DEUP1: variants seen among roughly 807,000 people sequenced by gnomAD.
DEUP1 encodes the protein deuterosome assembly protein 1.
Under a neutral mutation model 87.4 loss-of-function variants are expected in DEUP1, and 82 were observed. That is an observed-to-expected ratio of 0.94 (90% CI 0.78 to 1.13). DEUP1 has a LOEUF of 1.13. Among genes scored for constraint, DEUP1 ranks in the 50% most tolerant of loss-of-function variants. DEUP1 has a pLI of 0.00. For synonymous variants in DEUP1, 214 were observed against 222.7 expected, an observed-to-expected ratio of 0.96 and a Z score of 0.35; for missense variants, 663 against 681.5, an observed-to-expected ratio of 0.97 and a Z score of 0.30.
intron 2 of DEUP1, among the ~76,000 whole-genome samples, chr11:93,352,754 A>T (rs1944686758): frequency 6.6e-6 from 1 of 152,180 alleles, no homozygotes; most frequent in African/African-American, 2.4e-5. Flanking sequence ...CAAAAGTGGA[A>T]ACCCCTGATA....
chr11:93,435,062 C>G (rs1948203687), intron 13 of DEUP1, among the ~76,000 whole-genome samples: 1 of 152,192 alleles, frequency 6.6e-6, no homozygotes. Flanking sequence ...TACTATTAAG[C>G]AGGGTCTCTC....
At chr11:93,361,257 C>G (rs1474691119) in intron 4 of DEUP1, among the ~76,000 whole-genome samples, 2 of 151,958 alleles carry the variant, frequency 1.3e-5, no homozygotes, top group Non-Finnish European at 2.9e-5. Context: ...TGCTGGCAGA[C>G]CTACCCTAAA....
rs61519554 is a variant in DEUP1, at chr11:93,359,291, G to C, written c.297+2248G>C. Among the ~76,000 whole-genome samples the C allele has an allele frequency of 7.6e-3, 1,153 of 152,182 alleles. 15 individuals carry two copies. The highest frequency in any genetic ancestry group is 0.027 in the African/African-American group (1,114 of 41,522). ...GATACACTTTACCACACCCTGCCTT[G>C]AATAACTCAACTCTGTCAAAGCTTC... On this transcript the variant is annotated intron_variant, in intron 4 of 13. Coordinates refer to ENST00000298050, the MANE Select transcript of DEUP1 (RefSeq NM_181645.4).
At chr11:93,401,356 G>T (rs1378879270) in intron 11 of DEUP1, among the ~76,000 whole-genome samples, 1 of 152,008 alleles carries the variant, frequency 6.6e-6, no homozygotes, top group Non-Finnish European at 1.5e-5. Flanking sequence ...TTATTAAAAT[G>T]ACAATACTAC....
intron 7 of DEUP1, chr11:93,383,657 T>C (rs1481212417): frequency 4.7e-6 from 3 of 639,392 alleles, no homozygotes; most frequent in Non-Finnish European, 8.4e-6. Context: ...TTCAATAATA[T>C]TGATTATATT....
At chr11:93,429,050 C>T (rs1403830956) in intron 13 of DEUP1, among the ~76,000 whole-genome samples, 9 of 152,096 alleles carry the variant, frequency 5.9e-5, no homozygotes, top group Non-Finnish European at 1.3e-4. Flanking sequence ...TCAATTTCCT[C>T]ACTTAATTTT....
intron 12 of DEUP1, among the ~76,000 whole-genome samples, chr11:93,413,910 T>C (rs981416550): frequency 1.3e-5 from 2 of 152,224 alleles, no homozygotes; most frequent in Admixed American, 6.5e-5. Flanking sequence ...CTTTTAAATC[T>C]TAGTCTCCTC....
chr11:93,374,920 G>T (rs924633965), intron 7 of DEUP1, among the ~76,000 whole-genome samples: 2 of 151,334 alleles, frequency 1.3e-5, no homozygotes, highest in Admixed American at 1.3e-4. Flanking sequence ...CATGGGATGT[G>T]TTTCCATTTG....
At chr11:93,402,184 A>C (rs1313368642) in intron 11 of DEUP1, among the ~76,000 whole-genome samples, 2 of 152,078 alleles carry the variant, frequency 1.3e-5, no homozygotes, top group East Asian at 3.8e-4. Flanking sequence ...TTGATTTAAT[A>C]ATGGCCAAAA....
chr11:93,408,568 T>C (rs1355728986), intron 12 of DEUP1, 141 bp downstream of exon 12: 2 of 565,294 alleles, frequency 3.5e-6, no homozygotes, highest in Non-Finnish European at 6.1e-6. Context: ...GATGAGTAGA[T>C]AATGTAGGCT....
intron 11 of DEUP1, among the ~76,000 whole-genome samples, chr11:93,398,043 C>G (rs1006699717): frequency 6.6e-6 from 1 of 152,024 alleles, no homozygotes; most frequent in African/African-American, 2.4e-5. Flanking sequence ...TATACCCCCT[C>G]CTCTAGATGA....
chr11:93,375,034 CT>C (rs60565734), intron 7 of DEUP1, among the ~76,000 whole-genome samples: 2,493 of 126,470 alleles, frequency 0.02, 68 homozygotes, highest in African/African-American at 0.063. Context: ...TTTTTCTTTT[CT>C]TTTTTTTTTT....
intron 11 of DEUP1, among the ~76,000 whole-genome samples, chr11:93,401,991 GA>G (rs1664494355): frequency 1.3e-5 from 2 of 151,754 alleles, no homozygotes; most frequent in African/African-American, 4.8e-5. Context: ...GCAATCAAAG[GA>G]AAAATAGGTA....
chr11:93,396,545 T>C lies in DEUP1; in HGVS notation c.1326+220T>C, dbSNP rs189527899. The stretch of plus-strand genomic sequence containing the variant: ...TCTTTGGTTGGATTGGGCTCAATTC[T>C]GATCATTTCCCTCAAATATGCCAAG... On this transcript the variant is annotated intron_variant, in intron 11 of 13. Coordinates refer to ENST00000298050, the MANE Select transcript of DEUP1 (RefSeq NM_181645.4). 3.9e-4 allele frequency among the ~76,000 whole-genome samples: 60 copies of C among 152,342 alleles called. 1 individual carries two copies. The highest frequency in any genetic ancestry group is 1.4e-3 in the African/African-American group (58 of 41,584).
chr11:93,330,960 C>T (rs1423003938), intron 1 of DEUP1, among the ~76,000 whole-genome samples, 188 bp downstream of exon 1: 1 of 152,244 alleles, frequency 6.6e-6, no homozygotes, highest in Non-Finnish European at 1.5e-5. Context: ...AGGGGAGGCC[C>T]GCGCTTGCAA....
rs191743661 is a variant in DEUP1 at position 93,436,394 on chromosome 11, T to G, written c.1639-1149T>G. 2.9e-3 allele frequency among the ~76,000 whole-genome samples: 440 copies of G among 152,348 alleles called. 1 individual carries two copies. Among genetic ancestry groups the G allele is most frequent in the Non-Finnish European group, 4.8e-3 (324 of 68,040 alleles). ...GGGCAAAACCATGGATATATATTGT[T>G]GGCCACCACATGTGAATGCTAACTG... is the stretch of plus-strand genomic sequence containing the variant. On this transcript the variant is annotated intron_variant, in intron 13 of 13. Transcript: ENST00000298050.
chr11:93,350,787 T>C (rs1944588100), intron 2 of DEUP1, among the ~76,000 whole-genome samples: 1 of 150,596 alleles, frequency 6.6e-6, no homozygotes, highest in African/African-American at 2.4e-5. Flanking sequence ...CCGTCTCTAC[T>C]AAAAATAGAA....
intron 9 of DEUP1, among the ~76,000 whole-genome samples, chr11:93,393,414 C>A (rs1393489279): frequency 6.6e-6 from 1 of 151,912 alleles, no homozygotes; most frequent in African/African-American, 2.4e-5. Flanking sequence ...GCCCACTATA[C>A]TGCAACCTCT....
intron 8 of DEUP1, among the ~76,000 whole-genome samples, chr11:93,387,605 A>G (rs1946621655): frequency 6.6e-6 from 1 of 152,262 alleles, no homozygotes; most frequent in East Asian, 1.9e-4. Flanking sequence ...TCACTTGTCC[A>G]CATTGGAGTT....
Sources: allele counts gnomAD v4.1 joint callset (sites outside exome capture counted in the v4.1 genomes callset), GRCh38; gene constraint gnomAD v4.1.1; transcripts MANE v1.5; gene names NCBI Gene and HGNC (gene_info 2026-07-23, HGNC 2026-07-21).